The following GALNT18 variants were observed in gnomAD, a reference collection of about 807,000 sequenced individuals.
GALNT18 encodes GalNAc-transferase 18.
In GALNT18, 44 loss-of-function variants were observed where a neutral mutation model predicts 69.5. The observed-to-expected ratio is 0.63, with a 90% CI of 0.50 to 0.81. GALNT18 has a LOEUF of 0.81. Among genes scored for constraint, GALNT18 ranks in the 40% least tolerant of loss-of-function variants. The pLI, the probability that GALNT18 is intolerant of heterozygous loss-of-function variation, is 0.00. For synonymous variants in GALNT18, 364 were observed against 318.2 expected (o/e 1.14, Z -1.53); for missense variants, 715 against 810.0 (o/e 0.88, Z 1.42).
chr11:11,326,437 G>T (rs764682986), intron 9 of GALNT18, among the ~76,000 whole-genome samples: 94 of 152,188 alleles, frequency 6.2e-4, no homozygotes, highest in Non-Finnish European at 1.1e-3. Flanking sequence ...GACATTCTTG[G>T]TCAAGGGTTG....
rs546575316 is a variant in GALNT18 at position 11,602,490 on chromosome 11, G to A, written c.235+18869C>T. On this transcript the variant is annotated intron_variant, in intron 1 of 10. Transcript: ENST00000227756. The surrounding 1 kb of genome is among the most constrained non-coding windows in gnomAD (Gnocchi z 4.7). ...CCGTCTTCTTGTCCATATCTGTCCA[G>A]AGGAGAGCTTCTGTTTTATTGAGCT... 1.4e-4 allele frequency among the ~76,000 whole-genome samples: 21 copies of A among 152,294 alleles called. No homozygotes were observed. Among genetic ancestry groups the A allele is most frequent in the Middle Eastern group, 3.4e-3 (1 of 294 alleles).
At chr11:11,376,615 G>A (rs1489534935) in intron 5 of GALNT18, among the ~76,000 whole-genome samples, 3 of 152,110 alleles carry the variant, frequency 2.0e-5, no homozygotes, top group Admixed American at 6.5e-5. Flanking sequence ...TGTGGGGTCC[G>A]ATCTTGCCTC....
intron 6 of GALNT18, among the ~76,000 whole-genome samples, chr11:11,366,968 G>A (rs1324776144): frequency 6.6e-6 from 1 of 152,208 alleles, no homozygotes; most frequent in East Asian, 1.9e-4. Flanking sequence ...AAGGTACTGA[G>A]AAATCTCAGA....
At chr11:11,515,951 T>C (rs1857264433) in intron 1 of GALNT18, among the ~76,000 whole-genome samples, 1 of 152,130 alleles carries the variant, frequency 6.6e-6, no homozygotes, top group Non-Finnish European at 1.5e-5. Flanking sequence ...TAGAGGATCA[T>C]AGTTTCTGGG....
intron 9 of GALNT18, among the ~76,000 whole-genome samples, chr11:11,313,716 C>T (rs184322359): frequency 9.2e-5 from 14 of 152,246 alleles, no homozygotes; most frequent in South Asian, 2.1e-4. Flanking sequence ...TTCTACCACT[C>T]GGTAATTGTG....
chr11:11,446,697 G>T (rs2133816578), intron 2 of GALNT18, among the ~76,000 whole-genome samples: 1 of 152,296 alleles, frequency 6.6e-6, no homozygotes, highest in Non-Finnish European at 1.5e-5. Flanking sequence ...CCTCTTAATT[G>T]GTCTCCATGC....
chr11:11,282,243 A>G (rs879761455), intron 10 of GALNT18, among the ~76,000 whole-genome samples: 23 of 152,120 alleles, frequency 1.5e-4, no homozygotes, highest in Admixed American at 5.9e-4. Flanking sequence ...TCCCACACTC[A>G]GTGCCTTCCT....
In GALNT18 at chr11:11,470,176, G is replaced by T. The variant is rs1445602551; in HGVS notation, c.236-21240C>A. 6.6e-6 allele frequency among the ~76,000 whole-genome samples: 1 copy of T among 152,186 alleles called. No homozygotes were observed. Among genetic ancestry groups the T allele is most frequent in the Non-Finnish European group, 1.5e-5 (1 of 68,028 alleles). ...AGTCTCACAGCCAGCCCCCATCCATGCTTGACCACAGCTGTTACTTTCATT... is the reference window on the plus strand; with the variant it reads ...AGTCTCACAGCCAGCCCCCATCCATTCTTGACCACAGCTGTTACTTTCATT... On this transcript the variant is annotated intron_variant, in intron 1 of 10. Coordinates refer to ENST00000227756, the MANE Select transcript of GALNT18 (RefSeq NM_198516.3). This position sits in a 1 kb window ranked among gnomAD's most constrained non-coding sequence, Gnocchi z 4.8.
Position 11,337,219 on chromosome 11 carries a change from C to T in GALNT18, c.1278+3600G>A, listed in dbSNP as rs1850129547. Among the ~76,000 whole-genome samples, 1 of 152,170 alleles carries T rather than the reference C, an allele frequency of 6.6e-6. No individual in the cohort carries two copies. Among genetic ancestry groups the T allele is most frequent in the Admixed American group, 6.5e-5 (1 of 15,284 alleles). ...TCTGAAGATCTGCTTTTAGGAGTCA[C>T]TAACCAAGGGAGAGAGGGATTACTC... On this transcript the variant is annotated intron_variant, in intron 7 of 10. Transcript: ENST00000227756. The surrounding 1 kb of genome is among the most constrained non-coding windows in gnomAD (Gnocchi z 4.9).
rs1053527155 is a variant in GALNT18 at position 11,415,848 on chromosome 11, G to C, written c.595+16773C>G. ...TCAGCAAGCAGCAACGCTCTCCACTGTTGGACTCACATGTCATAGGAATAT... is the reference window on the plus strand; with the variant it reads ...TCAGCAAGCAGCAACGCTCTCCACTCTTGGACTCACATGTCATAGGAATAT... On this transcript the variant is annotated intron_variant, in intron 3 of 10. Coordinates refer to ENST00000227756, the MANE Select transcript of GALNT18 (RefSeq NM_198516.3). This position sits in a 1 kb window ranked among gnomAD's most constrained non-coding sequence, Gnocchi z 4.1. Among the ~76,000 whole-genome samples the C allele has an allele frequency of 8.5e-5, 13 of 152,176 alleles. No individual in the cohort carries two copies. Among genetic ancestry groups the C allele is most frequent in the African/African-American group, 3.1e-4 (13 of 41,444 alleles).
chr11:11,605,007 T>C lies in GALNT18; in HGVS notation c.235+16352A>G, dbSNP rs1022326753. 6.6e-6 allele frequency among the ~76,000 whole-genome samples: 1 copy of C among 152,236 alleles called. No individual in the cohort carries two copies. Among genetic ancestry groups the C allele is most frequent in the East Asian group, 1.9e-4 (1 of 5,198 alleles). On this transcript the variant is annotated intron_variant, in intron 1 of 10. Transcript: ENST00000227756. The surrounding 1 kb of genome is among the most constrained non-coding windows in gnomAD (Gnocchi z 4.7). ...ACATTTTCAATTTTTCCCCTATGTC[T>C]ACTATGCCCTCTTCCACGCTACTGC...
At position 11,402,208 on chromosome 11, in the gene GALNT18, G is replaced by GGAAC. The variant is rs1564930560; in HGVS notation, c.596-22948_596-22945dup. ...TCATGGTTTATTTTCTGTCACCTTG[G>GGAAC]GAACGCTACCCTTCAGAGTGTTTAT... On this transcript the variant is annotated intron_variant, in intron 3 of 10. Transcript: ENST00000227756. This position sits in a 1 kb window ranked among gnomAD's most constrained non-coding sequence, Gnocchi z 4.0. 6.6e-6 allele frequency among the ~76,000 whole-genome samples: 1 copy of GGAAC among 152,170 alleles called. No homozygotes were observed. Among genetic ancestry groups the GGAAC allele is most frequent in the African/African-American group, 2.4e-5 (1 of 41,444 alleles).
intron 6 of GALNT18, among the ~76,000 whole-genome samples, chr11:11,358,826 A>AACAC (rs10644506): frequency 0.074 from 8,239 of 110,830 alleles, 1,429 homozygotes; most frequent in African/African-American, 0.2. Context: ...ATCCACACAA[A>AACAC]ACACACACAC....
chr11:11,454,197 C>T lies in GALNT18; in HGVS notation c.236-5261G>A, dbSNP rs574145107. On this transcript the variant is annotated intron_variant, in intron 1 of 10. Transcript: ENST00000227756. The surrounding 1 kb of genome is among the most constrained non-coding windows in gnomAD (Gnocchi z 4.2). Reference sequence around the variant, plus strand: ...AGCACAAAGCCAGTGAAGGCATGGCCGGGGCAAATTCCAGCTGTGTGCAGT... The same window carrying T: ...AGCACAAAGCCAGTGAAGGCATGGCTGGGGCAAATTCCAGCTGTGTGCAGT... Among the ~76,000 whole-genome samples the T allele has an allele frequency of 7.2e-5, 11 of 152,296 alleles. No homozygotes were observed. The highest frequency in any genetic ancestry group is 1.2e-4 in the Non-Finnish European group (8 of 68,014).
At chr11:11,471,896 C>T (rs943366881) in intron 1 of GALNT18, among the ~76,000 whole-genome samples, 4 of 152,198 alleles carry the variant, frequency 2.6e-5, no homozygotes, top group African/African-American at 4.8e-5. Context: ...CCTGGCCCTC[C>T]CCATCAGCAG....
In GALNT18 at chr11:11,270,880, T is replaced by G. The variant is rs968816574; in HGVS notation, c.*264A>C. ...GCACCAAATGACTGCAAAACCCTTTTCTTAATAATATTTTATTGTCAGTTA... is the reference window on the plus strand; with the variant it reads ...GCACCAAATGACTGCAAAACCCTTTGCTTAATAATATTTTATTGTCAGTTA... On this transcript the variant is annotated 3_prime_UTR_variant, in exon 11 of 11. Coordinates refer to ENST00000227756, the MANE Select transcript of GALNT18 (RefSeq NM_198516.3). The G allele has an allele frequency of 6.0e-6, 2 of 332,878 alleles. No individual in the cohort carries two copies. Among genetic ancestry groups the G allele is most frequent in the African/African-American group, 4.1e-5 (2 of 48,528 alleles). 20.6% of individuals were successfully genotyped at this position (332,878 alleles called of 1,614,324 possible).
intron 9 of GALNT18, among the ~76,000 whole-genome samples, chr11:11,299,090 C>G (rs1849448960): frequency 6.6e-6 from 1 of 152,152 alleles, no homozygotes; most frequent in African/African-American, 2.4e-5. Flanking sequence ...GTAGTGCTTT[C>G]TGAGATTTTG....
intron 10 of GALNT18, among the ~76,000 whole-genome samples, chr11:11,277,725 A>G (rs1047208592): frequency 3.3e-5 from 5 of 152,158 alleles, no homozygotes; most frequent in African/African-American, 1.2e-4. Context: ...GGTTTCAAAG[A>G]ACATCTTTTA....
At chr11:11,392,447 C>A (rs906098889) in intron 3 of GALNT18, among the ~76,000 whole-genome samples, 4 of 152,154 alleles carry the variant, frequency 2.6e-5, no homozygotes, top group African/African-American at 9.7e-5. Context: ...CGGAGAAACC[C>A]TGTCTCTACT....
Sources: gnomAD v4.1 joint callset for allele counts (sites outside exome capture counted in the v4.1 genomes callset) on GRCh38, gnomAD v4.1.1 for gene constraint, Gnocchi (gnomAD v3.1) non-coding constraint, MANE v1.5 for transcripts, NCBI Gene and HGNC (gene_info 2026-07-23, HGNC 2026-07-21) for gene names.